PDE7B: variants seen among roughly 807,000 people sequenced by gnomAD.
PDE7B encodes 3',5'-cyclic-AMP phosphodiesterase 7B.
PDE7B carries 29 observed loss-of-function variants against 56.2 expected under a neutral mutation model. The observed-to-expected ratio is 0.52, with a 90% CI of 0.38 to 0.70. The LOEUF (loss-of-function observed/expected upper bound fraction) is 0.70. Ranked by LOEUF, PDE7B falls within the 30% of genes least tolerant of loss-of-function variation. The pLI is 0.00. For missense variants in PDE7B, 490 were observed against 565.0 expected, an observed-to-expected ratio of 0.87 and a Z score of 1.35; for synonymous variants, 197 against 196.9, an observed-to-expected ratio of 1.00 and a Z score of 0.00.
Position 136,183,522 on chromosome 6 carries a change from G to A in PDE7B, c.1045+2199G>A, listed in dbSNP as rs536789673. Among the ~76,000 whole-genome samples, 7 of 151,072 alleles carry A rather than the reference G, an allele frequency of 4.6e-5. No individual in the cohort carries two copies. The East Asian group carries it at 1.4e-3, about 29-fold the overall frequency. On this transcript the variant is annotated intron_variant, in intron 11 of 12. Coordinates refer to ENST00000308191, the MANE Select transcript of PDE7B (RefSeq NM_018945.4). Reference sequence around the variant, plus strand: ...GAGGCAGGAGAATGGCATGAACCCGGGAGGCAGAGCTTGCAGTGAGCCAAG... The same window carrying A: ...GAGGCAGGAGAATGGCATGAACCCGAGAGGCAGAGCTTGCAGTGAGCCAAG...
At position 136,163,537 on chromosome 6, in the gene PDE7B, T is replaced by C. The variant is rs139102609; in HGVS notation, c.711+7779T>C. Among the ~76,000 whole-genome samples, 204 of 152,368 alleles carry C rather than the reference T, an allele frequency of 1.3e-3. 1 individual carries two copies. The highest frequency in any genetic ancestry group is 4.4e-3 in the African/African-American group (185 of 41,588). Reference sequence around the variant, plus strand: ...AGGTCTTAGACATGCCTTGGAGACATTTACCCCATTGTCTTGGTGATTAAC... The same window carrying C: ...AGGTCTTAGACATGCCTTGGAGACACTTACCCCATTGTCTTGGTGATTAAC... On this transcript the variant is annotated intron_variant, in intron 8 of 12. Transcript: ENST00000308191.
chr6:135,924,617 CTTTTTTTTTT>C (rs3037775), intron 1 of PDE7B, among the ~76,000 whole-genome samples: 3 of 49,582 alleles, frequency 6.1e-5, no homozygotes, highest in Non-Finnish European at 1.0e-4. Context: ...CTCTCTCTCT[CTTTTTTTTTT>C]TTTTTTTTTT....
At chr6:136,102,018 GT>G (rs549015700) in intron 2 of PDE7B, among the ~76,000 whole-genome samples, 2 of 152,316 alleles carry the variant, frequency 1.3e-5, no homozygotes, top group Non-Finnish European at 2.9e-5. Context: ...CCTGGTCTCT[GT>G]TGTGGAGAAT....
chr6:135,991,441 A>T (rs1047337861), intron 2 of PDE7B, among the ~76,000 whole-genome samples: 27 of 152,210 alleles, frequency 1.8e-4, no homozygotes, highest in East Asian at 7.7e-4. Context: ...TAAAATTTTT[A>T]AAAAAAGAAA....
At chr6:136,106,290 T>C (rs1050892991) in intron 2 of PDE7B, among the ~76,000 whole-genome samples, 7 of 152,256 alleles carry the variant, frequency 4.6e-5, no homozygotes, top group Admixed American at 4.6e-4. Flanking sequence ...TAACATGCTG[T>C]ATTTTCTCAA....
chr6:135,896,548 T>C (rs943931055), intron 1 of PDE7B, among the ~76,000 whole-genome samples: 2 of 152,180 alleles, frequency 1.3e-5, no homozygotes, highest in Non-Finnish European at 2.9e-5. Flanking sequence ...TGCCTGCTCA[T>C]GTGTTAGGTG....
At chr6:136,145,526 T>G (rs1778400607) in intron 3 of PDE7B, among the ~76,000 whole-genome samples, 1 of 152,194 alleles carries the variant, frequency 6.6e-6, no homozygotes, top group Non-Finnish European at 1.5e-5. Flanking sequence ...TCGTTGCTAC[T>G]TCTAGGCACT....
At chr6:135,919,364 C>T (rs1774022304) in intron 1 of PDE7B, among the ~76,000 whole-genome samples, 1 of 152,146 alleles carries the variant, frequency 6.6e-6, no homozygotes, top group Non-Finnish European at 1.5e-5. Context: ...GACTCTGTGG[C>T]TTATTATGAC....
At chr6:135,936,225 G>C (rs1461786707) in intron 1 of PDE7B, among the ~76,000 whole-genome samples, 2 of 152,184 alleles carry the variant, frequency 1.3e-5, no homozygotes, top group Non-Finnish European at 2.9e-5. Context: ...CGTTTGTCCT[G>C]AGTAAATATT....
At chr6:136,058,459 T>C (rs995611411) in intron 2 of PDE7B, among the ~76,000 whole-genome samples, 1 of 152,162 alleles carries the variant, frequency 6.6e-6, no homozygotes, top group African/African-American at 2.4e-5. Flanking sequence ...GTCTATTTCC[T>C]GGGAATTCAG....
At chr6:135,948,327 C>A (rs1774626464) in intron 2 of PDE7B, among the ~76,000 whole-genome samples, 1 of 151,878 alleles carries the variant, frequency 6.6e-6, no homozygotes, top group Non-Finnish European at 1.5e-5. Context: ...AAAATAATTT[C>A]TAAATTTTAT....
rs1422903158 is a variant in PDE7B, at chr6:135,931,951, GCGCACACACACA to G, written c.22-15511_22-15500del. On this transcript the variant is annotated intron_variant, in intron 1 of 12. Coordinates refer to ENST00000308191, the MANE Select transcript of PDE7B (RefSeq NM_018945.4). The stretch of plus-strand genomic sequence containing the variant: ...TGTTACCGCGCACACACACACGCGC[GCGCACACACACA>G]CACACACACACACACACACATAGGT... Among the ~76,000 whole-genome samples, 639 of 142,370 alleles carry G rather than the reference GCGCACACACACA, an allele frequency of 4.5e-3. 3 individuals carry two copies. Among genetic ancestry groups the G allele is most frequent in the African/African-American group, 0.011 (405 of 35,538 alleles). The allele number at this position is 142,370 out of a possible 152,430, so 93.4% of individuals were successfully genotyped here. A position where few individuals can be genotyped will look rare whatever the true frequency, so the allele number is the denominator to read the frequency against.
intron 2 of PDE7B, among the ~76,000 whole-genome samples, chr6:136,081,171 G>C (rs906519417): frequency 1.3e-5 from 2 of 152,122 alleles, no homozygotes; most frequent in Admixed American, 1.3e-4. Flanking sequence ...TGATGGGAGA[G>C]GGTCATCATT....
chr6:136,047,361 T>A (rs1386019946), intron 2 of PDE7B: 1 of 152,248 alleles, frequency 6.6e-6, no homozygotes, highest in Non-Finnish European at 1.5e-5. Context: ...TGCCACTAAT[T>A]GGAATTGTGG....
At chr6:135,950,599 C>T (rs1774681287) in intron 2 of PDE7B, among the ~76,000 whole-genome samples, 1 of 152,076 alleles carries the variant, frequency 6.6e-6, no homozygotes, top group Non-Finnish European at 1.5e-5. Context: ...TTTAACTGGT[C>T]AAGCCCTTGG....
At chr6:135,967,433 C>A (rs1287355673) in intron 2 of PDE7B, among the ~76,000 whole-genome samples, 1 of 152,146 alleles carries the variant, frequency 6.6e-6, no homozygotes, top group African/African-American at 2.4e-5. Flanking sequence ...GTTGAGTGAA[C>A]CACATTTTTC....
intron 1 of PDE7B, among the ~76,000 whole-genome samples, chr6:135,945,698 C>G (rs1774585528): frequency 6.6e-6 from 1 of 152,080 alleles, no homozygotes; most frequent in African/African-American, 2.4e-5. Flanking sequence ...TGGAATTAAC[C>G]AAGTTGTGAA....
intron 2 of PDE7B, among the ~76,000 whole-genome samples, chr6:135,977,385 C>T (rs1030572603): frequency 2.0e-5 from 3 of 152,224 alleles, no homozygotes; most frequent in Admixed American, 6.5e-5. Context: ...GATTCAGATT[C>T]GGTCCCAGCT....
At chr6:135,919,163 T>A (rs189535489) in intron 1 of PDE7B, among the ~76,000 whole-genome samples, 2 of 152,224 alleles carry the variant, frequency 1.3e-5, no homozygotes, top group Non-Finnish European at 2.9e-5. Context: ...CTCCTCTGGC[T>A]ATAATAGGCA....
Sources: allele counts gnomAD v4.1 joint callset (sites outside exome capture counted in the v4.1 genomes callset), GRCh38; gene constraint gnomAD v4.1.1; transcripts MANE v1.5; gene names NCBI Gene and HGNC (gene_info 2026-07-23, HGNC 2026-07-21).